Variants in RAB31 observed in about 807,000 individuals in gnomAD.
RAB31 encodes RAB31, member RAS oncogene family, also known as ras-related protein Rab-31.
In RAB31, 21 loss-of-function variants were observed where a neutral mutation model predicts 25.6. The observed-to-expected ratio is 0.82, with a 90% CI of 0.58 to 1.18. RAB31 has a LOEUF of 1.18. RAB31 is among the 50% of genes most tolerant of loss of function. The probability of loss-of-function intolerance (pLI) is 0.00; values close to 1 mark genes in which losing one functional copy is unlikely to be tolerated. For synonymous variants in RAB31, 87 were observed against 84.0 expected (o/e 1.04, Z -0.20); for missense variants, 196 against 250.1 (o/e 0.78, Z 1.46).
intron 1 of RAB31, among the ~76,000 whole-genome samples, chr18:9,731,914 T>C (rs1019873866): frequency 3.3e-5 from 5 of 152,294 alleles, no homozygotes; most frequent in Non-Finnish European, 5.9e-5. Context: ...TTTTTATCTA[T>C]GATAATAAGC....
At chr18:9,814,455 G>C (rs996911614) in intron 4 of RAB31, among the ~76,000 whole-genome samples, 10 of 152,266 alleles carry the variant, frequency 6.6e-5, no homozygotes, top group African/African-American at 2.4e-4. Context: ...TAACATTCGT[G>C]TGTATGTAAG....
chr18:9,799,793 G>T (rs894259459), intron 3 of RAB31, among the ~76,000 whole-genome samples: 1 of 152,112 alleles, frequency 6.6e-6, no homozygotes, highest in African/African-American at 2.4e-5. Flanking sequence ...AATGTTTTTT[G>T]AAAAATTTAA....
intron 1 of RAB31, chr18:9,758,144 T>C (rs2068269388): frequency 6.6e-6 from 1 of 152,238 alleles, no homozygotes; most frequent in South Asian, 2.1e-4. Flanking sequence ...CTCCTGTTCA[T>C]ACGTCCCATT....
chr18:9,721,574 C>T (rs1176702993), intron 1 of RAB31, among the ~76,000 whole-genome samples: 3 of 151,314 alleles, frequency 2.0e-5, no homozygotes, highest in African/African-American at 4.9e-5. Context: ...TGAGATTGCG[C>T]CACTGCACTC....
chr18:9,808,434 T>A (rs2068553380), intron 3 of RAB31, among the ~76,000 whole-genome samples: 1 of 152,222 alleles, frequency 6.6e-6, no homozygotes, highest in East Asian at 1.9e-4. Context: ...TTAGGACATC[T>A]GAGTAGGCAT....
rs560252778 is a variant in RAB31 at position 9,822,799 on chromosome 18, A to G, written c.380+7577A>G. On this transcript the variant is annotated intron_variant, in intron 5 of 6. Transcript: ENST00000578921. ...AGGATATGGAAAAACTGAGTCATCC[A>G]TACGTTGCCGGTGTGAATGCAAAAT... Among the ~76,000 whole-genome samples, 6 of 152,360 alleles carry G rather than the reference A, an allele frequency of 3.9e-5. No homozygotes were observed. The East Asian group carries it at 1.2e-3, about 29-fold the overall frequency.
intron 1 of RAB31, among the ~76,000 whole-genome samples, chr18:9,743,355 C>T (rs940787512): frequency 3.9e-5 from 6 of 152,218 alleles, no homozygotes; most frequent in Admixed American, 6.5e-5. Context: ...GGATTATAAA[C>T]ATCTTGATCC....
At chr18:9,857,043 C>T (rs1034933551) in intron 6 of RAB31, among the ~76,000 whole-genome samples, 1 of 152,166 alleles carries the variant, frequency 6.6e-6, no homozygotes, top group Non-Finnish European at 1.5e-5. Flanking sequence ...TTATGGTCTC[C>T]TTTCCTCCTG....
intron 3 of RAB31, among the ~76,000 whole-genome samples, chr18:9,813,123 G>A (rs2068583132): frequency 6.6e-6 from 1 of 152,212 alleles, no homozygotes; most frequent in Non-Finnish European, 1.5e-5. Context: ...CGATGCTAGT[G>A]ACCAGCAGCA....
At position 9,708,530 on chromosome 18, in the gene RAB31, C is replaced by G; in HGVS notation, c.39+86C>G. 8.2e-7 allele frequency: 1 copy of G among 1,217,294 alleles called. No individual in the cohort carries two copies. The highest frequency in any genetic ancestry group is 1.1e-6 in the Non-Finnish European group (1 of 898,442). 75.4% of individuals were successfully genotyped at this position (1,217,294 alleles called of 1,614,324 possible). A position where few individuals can be genotyped will look rare whatever the true frequency, so the allele number is the denominator to read the frequency against. On this transcript the variant is annotated intron_variant, in intron 1 of 6. Coordinates refer to ENST00000578921, the MANE Select transcript of RAB31 (RefSeq NM_006868.4). The surrounding 1 kb of genome is among the most constrained non-coding windows in gnomAD (Gnocchi z 6.4). The stretch of plus-strand genomic sequence containing the variant: ...CCCTATTCCCTGCGCGCTCAGTCCC[C>G]GTGATCCCCTCGCTCTCCGCACCCC...
intron 5 of RAB31, among the ~76,000 whole-genome samples, chr18:9,834,658 T>G (rs1420907112): frequency 1.3e-5 from 2 of 152,128 alleles, no homozygotes; most frequent in Non-Finnish European, 2.9e-5. Context: ...TGAACATAAG[T>G]TCTTATTGAT....
chr18:9,840,402 G>T (rs113895436), intron 5 of RAB31, among the ~76,000 whole-genome samples: 50 of 152,210 alleles, frequency 3.3e-4, no homozygotes, highest in African/African-American at 1.2e-3. Context: ...CAAAAGTCAC[G>T]GGATGCCGTA....
At chr18:9,741,872 A>G (rs2068181296) in intron 1 of RAB31, among the ~76,000 whole-genome samples, 1 of 152,158 alleles carries the variant, frequency 6.6e-6, no homozygotes, top group Admixed American at 6.5e-5. Context: ...CCCCTCATCC[A>G]CTGCCTCATC....
chr18:9,735,158 TAGGC>T (rs1381523622), intron 1 of RAB31, among the ~76,000 whole-genome samples: 1 of 152,094 alleles, frequency 6.6e-6, no homozygotes, highest in East Asian at 1.9e-4. Context: ...GCTGGGATTA[TAGGC>T]GCCTGCCACC....
At chr18:9,711,857 G>C (rs1384611333) in intron 1 of RAB31, among the ~76,000 whole-genome samples, 1 of 152,218 alleles carries the variant, frequency 6.6e-6, no homozygotes, top group Non-Finnish European at 1.5e-5. Flanking sequence ...GAAGGCTGAG[G>C]GGTTGGTCTT....
At chr18:9,756,430 C>T (rs1250376603) in intron 1 of RAB31, among the ~76,000 whole-genome samples, 2 of 152,170 alleles carry the variant, frequency 1.3e-5, no homozygotes, top group African/African-American at 4.8e-5. Flanking sequence ...GCATATATCT[C>T]ATTTGATTAA....
At chr18:9,742,229 C>T (rs1250110202) in intron 1 of RAB31, among the ~76,000 whole-genome samples, 3 of 152,146 alleles carry the variant, frequency 2.0e-5, no homozygotes, top group African/African-American at 7.2e-5. Flanking sequence ...TATTGCAGCG[C>T]AGAGTTGGTG....
At chr18:9,806,389 G>A (rs141096370) in intron 3 of RAB31, among the ~76,000 whole-genome samples, 1 of 152,268 alleles carries the variant, frequency 6.6e-6, no homozygotes, top group African/African-American at 2.4e-5. Context: ...CAGGGAGGGT[G>A]GCAGTTGATT....
At chr18:9,716,091 G>A (rs1016834936) in intron 1 of RAB31, among the ~76,000 whole-genome samples, 1 of 152,150 alleles carries the variant, frequency 6.6e-6, no homozygotes, top group Non-Finnish European at 1.5e-5. Flanking sequence ...TCCAGTTAGA[G>A]ATCATGTATT....
Sources: allele counts gnomAD v4.1 joint callset (sites outside exome capture counted in the v4.1 genomes callset), GRCh38; gene constraint gnomAD v4.1.1; non-coding constraint Gnocchi (gnomAD v3.1); transcripts MANE v1.5; gene names NCBI Gene and HGNC (gene_info 2026-07-23, HGNC 2026-07-21).